RGR: variants seen among roughly 807,000 people sequenced by gnomAD.
RGR encodes RPE-retinal G protein-coupled receptor.
In RGR, 30 loss-of-function variants were observed where a neutral mutation model predicts 28.6. The observed-to-expected ratio is 1.05, with a 90% CI of 0.78 to 1.42. The LOEUF (loss-of-function observed/expected upper bound fraction) is 1.42, where lower values mean the gene tolerates loss of function less well. Among genes scored for constraint, RGR ranks in the 40% most tolerant of loss-of-function variants. The pLI is 0.00. For missense variants in RGR, 404 were observed against 375.6 expected (o/e 1.08, Z -0.62); for synonymous variants, 180 against 156.4 (o/e 1.15, Z -1.13).
Position 84,249,034 on chromosome 10 carries a change from T to G in RGR, c.349T>G (p.Tyr117Asp). ...AAIAWGRYHHYCTRSQLAWNS... is the reference protein window; with the variant it reads ...AAIAWGRYHHDCTRSQLAWNS... ...CATCGCATGGGGGCGTTATCACCAC[T>G]ACTGCACCCGTATGTATCTGGGCTC... is the stretch of plus-strand genomic sequence containing the variant. The change falls in exon 3 of 7, where the codon TAC becomes GAC. Residue 117 changes from tyrosine to aspartate, a missense_variant. Transcript: ENST00000652092. 6.2e-7 allele frequency: 1 copy of G among 1,613,968 alleles called. No homozygotes were observed. Among genetic ancestry groups the G allele is most frequent in the South Asian group, 1.1e-5 (1 of 91,072 alleles).
At chr10:84,246,368 A>T (rs1842746584) in intron 1 of RGR, among the ~76,000 whole-genome samples, 1 of 151,950 alleles carries the variant, frequency 6.6e-6, no homozygotes, top group African/African-American at 2.4e-5. Flanking sequence ...GGTTTTTTTA[A>T]TCCCACTCCC....
intron 1 of RGR, 124 bp from the exon 2 acceptor site, chr10:84,247,467 C>A (rs1410241901): frequency 8.7e-7 from 1 of 1,145,258 alleles, no homozygotes; most frequent in Non-Finnish European, 1.3e-6. Context: ...AGCATGCTAC[C>A]CTATATTGAT....
chr10:84,254,237 C>T (rs1292311119), intron 4 of RGR, 89 bp from the exon 5 acceptor site: 18 of 1,126,242 alleles, frequency 1.6e-5, no homozygotes, highest in Middle Eastern at 2.0e-4. Context: ...TCCCCACAAC[C>T]GATCATCTAG....
At position 84,258,504 on chromosome 10, in the gene RGR, A is replaced by C. The variant is rs1842915632; in HGVS notation, c.745-4A>C. The C allele has an allele frequency of 1.9e-6, 3 of 1,614,232 alleles. No homozygotes were observed. Among genetic ancestry groups the C allele is most frequent in the Non-Finnish European group, 2.5e-6 (3 of 1,180,028 alleles). ...TTCTTTTCTGGACTTTTCTGCCACA[A>C]CAGGTGCCCGCCCTCATTGCCAAAA... On this transcript the variant is annotated splice_polypyrimidine_tract_variant and splice_region_variant and intron_variant, in intron 6 of 6. Coordinates refer to ENST00000652092, the MANE Select transcript of RGR (RefSeq NM_001012720.2).
At chr10:84,258,456 GA>G (rs1381619136) in intron 6 of RGR, 51 bp from the exon 7 acceptor site, 1 of 1,613,678 alleles carries the variant, frequency 6.2e-7, no homozygotes, top group African/African-American at 1.3e-5. Context: ...TGAGACCAGA[GA>G]GAGGATCAGT....
chr10:84,247,919 G>A, intron 2 of RGR, 172 bp downstream of exon 2: 2 of 945,178 alleles, frequency 2.1e-6, no homozygotes, highest in Non-Finnish European at 3.2e-6. Context: ...AAGAACGACA[G>A]CTGATTTCTG....
At chr10:84,257,018 G>GA (rs5786651) in intron 5 of RGR, among the ~76,000 whole-genome samples, 8 of 150,988 alleles carry the variant, frequency 5.3e-5, no homozygotes, top group East Asian at 3.9e-4. Flanking sequence ...CAGTTAAGAG[G>GA]AAAAAAAAAG....
chr10:84,257,832 C>A, intron 5 of RGR, 61 bp from the exon 6 acceptor site: 1 of 1,471,212 alleles, frequency 6.8e-7, no homozygotes, highest in Non-Finnish European at 9.5e-7. Context: ...GTTTTCTTGG[C>A]CACATAGGGC....
chr10:84,248,184 G>A lies in RGR; in HGVS notation c.236+437G>A, dbSNP rs572853712. 45 of 1,232,764 alleles carry A rather than the reference G, an allele frequency of 3.7e-5. No individual in the cohort carries two copies. The South Asian group carries it at 6.4e-4, about 17-fold the overall frequency. The allele number at this position is 1,232,764 out of a possible 1,614,324, so 76.4% of individuals were successfully genotyped here. On this transcript the variant is annotated intron_variant, in intron 2 of 6. Coordinates refer to ENST00000652092, the MANE Select transcript of RGR (RefSeq NM_001012720.2). ...TAAGTGTTTGTGAACACAAATGGGG[G>A]CGTTATCACCACTACTGCACCCGTA...
rs565757574 is a variant in RGR at position 84,245,321 on chromosome 10, G to A, written c.79+152G>A. The A allele has an allele frequency of 3.9e-4, 269 of 697,632 alleles. No individual in the cohort carries two copies. The African/African-American group carries it at 4.1e-3, about 11-fold the overall frequency. 43.2% of individuals were successfully genotyped at this position (697,632 alleles called of 1,614,324 possible). ...GCCTTCCCCTCTGTGCCCGGACTCG[G>A]GGGGTGTTCTGACAATTGAACCTGT... On this transcript the variant is annotated intron_variant, in intron 1 of 6. Transcript: ENST00000652092.
chr10:84,245,664 G>C (rs1842738507), intron 1 of RGR, among the ~76,000 whole-genome samples: 1 of 152,112 alleles, frequency 6.6e-6, no homozygotes, highest in Non-Finnish European at 1.5e-5. Context: ...AGATTAAATG[G>C]GATAATGGGT....
At chr10:84,250,517 T>TACACACACACACACACAC (rs34459757) in intron 3 of RGR, 1 of 562,296 alleles carries the variant, frequency 1.8e-6, no homozygotes, top group African/African-American at 2.0e-5. Flanking sequence ...GACCATCTTA[T>TACACACACACACACACAC]ACACACACAC....
intron 2 of RGR, chr10:84,248,095 G>T: frequency 3.6e-6 from 2 of 556,112 alleles, no homozygotes; most frequent in Non-Finnish European, 2.9e-6. Context: ...ATAGGTGGTT[G>T]GAAGTATTTA....
At chr10:84,257,104 T>TA (rs2132890539) in intron 5 of RGR, among the ~76,000 whole-genome samples, 1 of 152,304 alleles carries the variant, frequency 6.6e-6, no homozygotes, top group South Asian at 2.1e-4. Context: ...CCCTCTTTGT[T>TA]AAAGAAAGTC....
intron 3 of RGR, 113 bp downstream of exon 3, chr10:84,249,156 G>A: frequency 6.9e-7 from 1 of 1,447,274 alleles, no homozygotes; most frequent in Non-Finnish European, 9.5e-7. Flanking sequence ...GTACAGGGAA[G>A]TGTGGGTAGG....
chr10:84,253,015 G>A lies in RGR; in HGVS notation c.512+5G>A. 6.2e-7 allele frequency: 1 copy of A among 1,612,778 alleles called. No individual in the cohort carries two copies. ...GGACTACTCCAAGGGGGACAGGTGA[G>A]GTGGGAGGAGCAGCTTCGAGGCTCC... On this transcript the variant is annotated splice_donor_5th_base_variant and intron_variant, in intron 4 of 6. Transcript: ENST00000652092.
At chr10:84,246,611 C>T (rs570434388) in intron 1 of RGR, among the ~76,000 whole-genome samples, 4 of 152,266 alleles carry the variant, frequency 2.6e-5, no homozygotes, top group Admixed American at 2.0e-4. Flanking sequence ...ACTACATTTT[C>T]TTTATCCATT....
intron 2 of RGR, 91 bp downstream of exon 2, chr10:84,247,838 C>T: frequency 6.3e-7 from 1 of 1,589,990 alleles, no homozygotes; most frequent in South Asian, 1.1e-5. Context: ...GGCATTTTTA[C>T]TACTTACAGA....
chr10:84,254,201 C>T, intron 4 of RGR, 125 bp from the exon 5 acceptor site: 3 of 858,536 alleles, frequency 3.5e-6, no homozygotes. Context: ...AGCAACCACA[C>T]TGCGAGCTTG....
Sources: gnomAD v4.1 joint callset for allele counts (sites outside exome capture counted in the v4.1 genomes callset) on GRCh38, gnomAD v4.1.1 for gene constraint, MANE v1.5 for transcripts, NCBI Gene and HGNC (gene_info 2026-07-23, HGNC 2026-07-21) for gene names.